RANBP3: variants seen among roughly 807,000 people sequenced by gnomAD.
RANBP3 encodes the protein RAN binding protein 3.
Under a neutral mutation model 77.3 loss-of-function variants are expected in RANBP3, and 14 were observed. That is an observed-to-expected ratio of 0.18 (90% CI 0.12 to 0.28). The LOEUF (loss-of-function observed/expected upper bound fraction) is 0.28. Ranked by LOEUF, RANBP3 falls within the 10% of genes least tolerant of loss-of-function variation. The pLI is 1.00. For missense variants in RANBP3, 586 were observed against 752.3 expected (o/e 0.78, Z 2.59); for synonymous variants, 315 against 312.4 (o/e 1.01, Z -0.09).
chr19:5,917,536 G>C lies in RANBP3; in HGVS notation c.*74C>G, dbSNP rs1418479021. On this transcript the variant is annotated 3_prime_UTR_variant, in exon 17 of 17. Coordinates refer to ENST00000340578, the MANE Select transcript of RANBP3 (RefSeq NM_007322.3). ...CCGGCCCCGCACCTGGACGCTGCCGGTGGGGTGGGGGCGGGTGGGCGGGTG... is the reference window on the plus strand; with the variant it reads ...CCGGCCCCGCACCTGGACGCTGCCGCTGGGGTGGGGGCGGGTGGGCGGGTG... 6.8e-7 allele frequency: 1 copy of C among 1,468,702 alleles called. No individual in the cohort carries two copies. 91.0% of individuals were successfully genotyped at this position (1,468,702 alleles called of 1,614,324 possible). A position where few individuals can be genotyped will look rare whatever the true frequency, so the allele number is the denominator to read the frequency against.
chr19:5,918,389 C>CGGGG, intron 15 of RANBP3, 107 bp downstream of exon 15: 1 of 236,546 alleles, frequency 4.2e-6, no homozygotes, highest in Non-Finnish European at 8.6e-6. Flanking sequence ...GCAACTGAAG[C>CGGGG]CCCTCCCCCC....
chr19:5,967,278 G>C (rs2058478966), intron 1 of RANBP3, among the ~76,000 whole-genome samples: 1 of 152,136 alleles, frequency 6.6e-6, no homozygotes, highest in Non-Finnish European at 1.5e-5. Context: ...GGAGATTATG[G>C]GGACACACTT....
intron 3 of RANBP3, 103 bp from the exon 4 acceptor site, chr19:5,941,938 C>G: frequency 2.2e-6 from 3 of 1,354,556 alleles, no homozygotes; most frequent in Non-Finnish European, 2.1e-6. Context: ...CCACGGGCAG[C>G]TAGTTCCCAG....
intron 1 of RANBP3, among the ~76,000 whole-genome samples, chr19:5,960,583 C>CA (rs2058387653): frequency 6.6e-6 from 1 of 152,176 alleles, no homozygotes; most frequent in African/African-American, 2.4e-5. Context: ...ATTCAACAAA[C>CA]ACTTCATGAA....
chr19:5,960,840 AG>A (rs1304387072), intron 1 of RANBP3, among the ~76,000 whole-genome samples: 2 of 152,124 alleles, frequency 1.3e-5, no homozygotes, highest in African/African-American at 4.8e-5. Context: ...GGCAGGGCTG[AG>A]GGGCATGGGC....
chr19:5,932,685 T>C (rs2058009867), intron 6 of RANBP3, 141 bp from the exon 7 acceptor site: 1 of 620,398 alleles, frequency 1.6e-6, no homozygotes, highest in South Asian at 2.0e-5. Flanking sequence ...AAACTTGAGG[T>C]CTTTTTTTAA....
chr19:5,925,269 A>C (rs980707047), intron 10 of RANBP3: 1 of 466,588 alleles, frequency 2.1e-6, no homozygotes. Flanking sequence ...TCTTTGCCCC[A>C]GGTGCCCAAA....
chr19:5,964,855 G>GGA lies in RANBP3; in HGVS notation c.23-6883_23-6882insTC, dbSNP rs2058446176. ...GAGCTAAGTGGAGGTGGTAGGGTGG[G>GGA]GGGGGGGGTGGCACGGTGGGGGGTC... On this transcript the variant is annotated intron_variant, in intron 1 of 16. Coordinates refer to ENST00000340578, the MANE Select transcript of RANBP3 (RefSeq NM_007322.3). 1.6e-5 allele frequency among the ~76,000 whole-genome samples: 2 copies of GGA among 128,904 alleles called. 1 individual carries two copies. The highest frequency in any genetic ancestry group is 6.5e-4 in the South Asian group (2 of 3,054). 84.6% of individuals were successfully genotyped at this position (128,904 alleles called of 152,430 possible). A position where few individuals can be genotyped will look rare whatever the true frequency, so the allele number is the denominator to read the frequency against.
chr19:5,949,245 G>A (rs1219340222), intron 3 of RANBP3, among the ~76,000 whole-genome samples: 1 of 152,234 alleles, frequency 6.6e-6, no homozygotes, highest in African/African-American at 2.4e-5. Context: ...AAAACGGTCT[G>A]AGTTCACACA....
intron 9 of RANBP3, 77 bp downstream of exon 9, chr19:5,927,890 GA>G (rs2057934282): frequency 3.3e-6 from 5 of 1,527,996 alleles, no homozygotes; most frequent in Non-Finnish European, 8.8e-7. Context: ...CTGTTAAAAG[GA>G]AAATCTACCT....
Position 5,957,768 on chromosome 19 carries a change from A to C in RANBP3, c.78+150T>G, listed in dbSNP as rs1205290471. ...AAAGCCACCAAGCCTTTTCCCTCCAAGCTCAACGTGAAAGTGTAAAGGCCT... is the reference window on the plus strand; with the variant it reads ...AAAGCCACCAAGCCTTTTCCCTCCACGCTCAACGTGAAAGTGTAAAGGCCT... On this transcript the variant is annotated intron_variant, in intron 2 of 16. Coordinates refer to ENST00000340578, the MANE Select transcript of RANBP3 (RefSeq NM_007322.3). 1.3e-5 allele frequency: 10 copies of C among 798,020 alleles called. No homozygotes were observed. The East Asian group carries it at 2.5e-4, about 20-fold the overall frequency. The allele number at this position is 798,020 out of a possible 1,614,324, so 49.4% of individuals were successfully genotyped here.
intron 5 of RANBP3, among the ~76,000 whole-genome samples, 186 bp downstream of exon 5, chr19:5,941,435 G>A (rs2058135236): frequency 6.6e-6 from 1 of 152,144 alleles, no homozygotes; most frequent in Admixed American, 6.5e-5. Flanking sequence ...ACTGATTCGA[G>A]ACGAGGACCC....
chr19:5,922,734 G>GT (rs2057840164), intron 13 of RANBP3, among the ~76,000 whole-genome samples: 1 of 152,194 alleles, frequency 6.6e-6, no homozygotes, highest in South Asian at 2.1e-4. Flanking sequence ...GAGGTCAGGA[G>GT]TTTGAGACCA....
rs561648102 is a variant in RANBP3 at position 5,937,713 on chromosome 19, G to A, written c.406+3908C>T. Among the ~76,000 whole-genome samples, 38 of 152,334 alleles carry A rather than the reference G, an allele frequency of 2.5e-4. 1 individual carries two copies. The highest frequency in any genetic ancestry group is 1.9e-3 in the East Asian group (10 of 5,188). On this transcript the variant is annotated intron_variant, in intron 5 of 16. Transcript: ENST00000340578. ...GGCTGATATGACTGCCTTTTCATGC[G>A]TGAGGGCACTGGGGCTTTAAACCAT...
intron 9 of RANBP3, 52 bp downstream of exon 9, chr19:5,927,916 G>A: frequency 6.4e-7 from 1 of 1,563,624 alleles, no homozygotes; most frequent in Non-Finnish European, 8.7e-7. Flanking sequence ...GCCTGCTGTT[G>A]AACCTGGGGA....
At chr19:5,927,929 G>T (rs753580541) in intron 9 of RANBP3, 39 bp downstream of exon 9, 1 of 1,576,292 alleles carries the variant, frequency 6.3e-7, no homozygotes, top group Non-Finnish European at 8.6e-7. Context: ...CCTGGGGAAG[G>T]CATAAAAAGT....
rs766503194 is a variant in RANBP3 at position 5,923,213 on chromosome 19, G to A, written c.1190C>T (p.Ala397Val). The A allele has an allele frequency of 4.3e-6, 7 of 1,614,024 alleles. No homozygotes were observed. The highest frequency in any genetic ancestry group is 1.3e-5 in the African/African-American group (1 of 74,934). ...EKVEVITGEE[A>V]ESNVLQMQCK... ...CCTCACCTGTAACACATTGCTCTCC[G>A]CCTCCTCCCCGGTGATGACTTCCAC... Residue 397 changes from alanine to valine, a missense_variant, in exon 13 of 17, where the codon GCG (alanine) becomes GTG (valine). By Grantham distance (64) the Ala-to-Val change is moderately conservative. Coordinates refer to ENST00000340578, the MANE Select transcript of RANBP3 (RefSeq NM_007322.3).
At chr19:5,937,313 G>A (rs894695149) in intron 5 of RANBP3, among the ~76,000 whole-genome samples, 1 of 152,124 alleles carries the variant, frequency 6.6e-6, no homozygotes, top group South Asian at 2.1e-4. Flanking sequence ...AAGGGGACAA[G>A]TGAGTACTGT....
rs532072698 is a variant in RANBP3, at chr19:5,961,694, T to C, written c.23-3721A>G. ...GTTGCAGTGAGCTGAGATGGTGCCATTGCACTCCAGCCTGGGCAACAAGAG... is the reference window on the plus strand; with the variant it reads ...GTTGCAGTGAGCTGAGATGGTGCCACTGCACTCCAGCCTGGGCAACAAGAG... On this transcript the variant is annotated intron_variant, in intron 1 of 16. Coordinates refer to ENST00000340578, the MANE Select transcript of RANBP3 (RefSeq NM_007322.3). Among the ~76,000 whole-genome samples the C allele has an allele frequency of 7.2e-4, 108 of 150,618 alleles. 1 individual carries two copies. The South Asian group carries it at 0.021, about 29-fold the overall frequency.
Sources: gnomAD v4.1 joint callset for allele counts (sites outside exome capture counted in the v4.1 genomes callset) on GRCh38, gnomAD v4.1.1 for gene constraint, MANE v1.5 for transcripts, NCBI Gene and HGNC (gene_info 2026-07-23, HGNC 2026-07-21) for gene names.